The following GLIS1 variants were observed in gnomAD, a reference collection of about 807,000 sequenced individuals.
GLIS1 encodes the protein GLIS family zinc finger 1.
In GLIS1, 24 loss-of-function variants were observed where a neutral mutation model predicts 63.8. That is an observed-to-expected ratio of 0.38 (90% CI 0.27 to 0.53). GLIS1 has a LOEUF of 0.53. GLIS1 is among the 20% of genes least tolerant of loss of function. The pLI is 0.85. For missense variants in GLIS1, 1,036 were observed against 1,074.1 expected (o/e 0.96, Z 0.50); for synonymous variants, 450 against 482.5 (o/e 0.93, Z 0.88).
At chr1:53,653,324 T>C (rs1211093039) in intron 2 of GLIS1, among the ~76,000 whole-genome samples, 6 of 152,162 alleles carry the variant, frequency 3.9e-5, no homozygotes, top group African/African-American at 1.4e-4. Flanking sequence ...CCTCTTCCCA[T>C]GGTTTGGTGT....
intron 4 of GLIS1, among the ~76,000 whole-genome samples, chr1:53,559,631 C>A (rs114888561): frequency 6.6e-6 from 1 of 152,158 alleles, no homozygotes; most frequent in Admixed American, 6.5e-5. Flanking sequence ...CGCTGCAATG[C>A]GGGACAGAGC....
At chr1:53,527,318 A>G (rs1377235721) in intron 5 of GLIS1, among the ~76,000 whole-genome samples, 1 of 152,170 alleles carries the variant, frequency 6.6e-6, no homozygotes, top group Non-Finnish European at 1.5e-5. Context: ...GGATCTGTGC[A>G]CTCAGGACTC....
intron 2 of GLIS1, among the ~76,000 whole-genome samples, chr1:53,604,297 A>G (rs976680580): frequency 1.5e-4 from 23 of 152,362 alleles, no homozygotes; most frequent in Non-Finnish European, 3.2e-4. Context: ...GGTTCAGTAC[A>G]TGCAGGATGG....
intron 2 of GLIS1, among the ~76,000 whole-genome samples, chr1:53,668,392 C>T (rs1384357035): frequency 1.3e-5 from 2 of 152,190 alleles, no homozygotes; most frequent in East Asian, 1.9e-4. Context: ...GACAGAGTCT[C>T]GCTCTGTCAC....
At chr1:53,725,053 G>A (rs1646792274) in intron 2 of GLIS1, among the ~76,000 whole-genome samples, 1 of 152,174 alleles carries the variant, frequency 6.6e-6, no homozygotes, top group Admixed American at 6.5e-5. Context: ...CCAGAGCCAT[G>A]GAGAGAGTGG....
intron 10 of GLIS1, among the ~76,000 whole-genome samples, chr1:53,507,334 C>G (rs535195536): frequency 1.3e-5 from 2 of 152,330 alleles, no homozygotes; most frequent in Admixed American, 1.3e-4. Flanking sequence ...GCACAGAGGC[C>G]AGGATGCTTG....
At chr1:53,540,250 T>C (rs1427938592) in intron 4 of GLIS1, among the ~76,000 whole-genome samples, 1 of 152,150 alleles carries the variant, frequency 6.6e-6, no homozygotes, top group African/African-American at 2.4e-5. Context: ...TCCCATTTGC[T>C]GGGGGATTCT....
At chr1:53,522,476 C>A (rs1037177571) in intron 6 of GLIS1, among the ~76,000 whole-genome samples, 2 of 152,232 alleles carry the variant, frequency 1.3e-5, no homozygotes, top group African/African-American at 4.8e-5. Context: ...CTGGGCCATT[C>A]CCTGTCCCCA....
intron 2 of GLIS1, among the ~76,000 whole-genome samples, chr1:53,669,545 C>T (rs1646129754): frequency 6.6e-6 from 1 of 152,218 alleles, no homozygotes; most frequent in Non-Finnish European, 1.5e-5. Context: ...ACTTCCTAGT[C>T]ATTCATCACA....
intron 4 of GLIS1, among the ~76,000 whole-genome samples, chr1:53,585,756 C>A (rs1476287434): frequency 6.6e-6 from 1 of 152,220 alleles, no homozygotes; most frequent in Non-Finnish European, 1.5e-5. Context: ...AGAGGCCTGG[C>A]TGCAGGCAGG....
intron 2 of GLIS1, among the ~76,000 whole-genome samples, chr1:53,643,262 AGTTTTAAC>A (rs1259455666): frequency 7.2e-5 from 11 of 152,194 alleles, no homozygotes; most frequent in Admixed American, 5.9e-4. Flanking sequence ...AGCTCTGTAA[AGTTTTAAC>A]GTTGCCCCAG....
rs1316707921 is a variant in GLIS1 at position 53,506,617 on chromosome 1, C to T, written c.*2G>A. The T allele has an allele frequency of 6.2e-7, 1 of 1,613,324 alleles. No homozygotes were observed. The highest frequency in any genetic ancestry group is 1.1e-5 in the South Asian group (1 of 91,064). ...GATGGGCAGGCGCATGTGGGGGCTCCTTCAGGTGTCTGTGTAGATGGAGGG... is the reference window on the plus strand; with the variant it reads ...GATGGGCAGGCGCATGTGGGGGCTCTTTCAGGTGTCTGTGTAGATGGAGGG... On this transcript the variant is annotated 3_prime_UTR_variant, in exon 11 of 11. Coordinates refer to ENST00000628545, the MANE Select transcript of GLIS1 (RefSeq NM_001367484.1).
At chr1:53,718,656 G>A (rs550311284) in intron 2 of GLIS1, among the ~76,000 whole-genome samples, 5 of 152,124 alleles carry the variant, frequency 3.3e-5, no homozygotes, top group Admixed American at 1.3e-4. Context: ...CACTGCCACT[G>A]TCCTTTCTAA....
At chr1:53,683,357 C>G (rs2100434605) in intron 2 of GLIS1, among the ~76,000 whole-genome samples, 1 of 152,270 alleles carries the variant, frequency 6.6e-6, no homozygotes, top group South Asian at 2.1e-4. Flanking sequence ...GCCCCCCCAA[C>G]CAAAGGCCTC....
At chr1:53,647,862 A>C (rs889492493) in intron 2 of GLIS1, among the ~76,000 whole-genome samples, 6 of 152,200 alleles carry the variant, frequency 3.9e-5, no homozygotes, top group African/African-American at 1.2e-4. Context: ...ACACGAAAAA[A>C]GGCAAACAAC....
intron 2 of GLIS1, among the ~76,000 whole-genome samples, chr1:53,670,684 T>C (rs866289382): frequency 3.3e-5 from 5 of 152,192 alleles, no homozygotes; most frequent in South Asian, 2.1e-4. Context: ...CCAGTGTCTA[T>C]GTAAACTCCC....
chr1:53,655,656 A>T (rs1322240126), intron 2 of GLIS1, among the ~76,000 whole-genome samples: 1 of 152,166 alleles, frequency 6.6e-6, no homozygotes, highest in Non-Finnish European at 1.5e-5. Context: ...GGGCACCCCC[A>T]GCTGAGCCAT....
chr1:53,684,649 G>T (rs1273357068), intron 2 of GLIS1, among the ~76,000 whole-genome samples: 1 of 152,142 alleles, frequency 6.6e-6, no homozygotes, highest in Non-Finnish European at 1.5e-5. Context: ...GTGCCCACAG[G>T]GTCACATCCA....
chr1:53,710,544 C>A (rs1646635833), intron 2 of GLIS1, among the ~76,000 whole-genome samples: 1 of 152,246 alleles, frequency 6.6e-6, no homozygotes, highest in African/African-American at 2.4e-5. Flanking sequence ...CTTACAAATT[C>A]CTCCAAGGTT....
Sources: allele counts gnomAD v4.1 joint callset (sites outside exome capture counted in the v4.1 genomes callset), GRCh38; gene constraint gnomAD v4.1.1; transcripts MANE v1.5; gene names NCBI Gene and HGNC (gene_info 2026-07-23, HGNC 2026-07-21).